Variants in LINGO1 observed in about 807,000 individuals in gnomAD.
The protein encoded by LINGO1 is leucine rich repeat and Ig domain containing 1.
In LINGO1, 11 loss-of-function variants were observed where a neutral mutation model predicts 37.3. That is an observed-to-expected ratio of 0.29 (90% CI 0.19 to 0.49). The LOEUF is 0.49. Ranked by LOEUF, LINGO1 falls within the 20% of genes least tolerant of loss-of-function variation. LINGO1 has a pLI of 0.99. For synonymous variants in LINGO1, 387 were observed against 403.0 expected, an observed-to-expected ratio of 0.96 and a Z score of 0.48; for missense variants, 585 against 878.2, an observed-to-expected ratio of 0.67 and a Z score of 4.22.
At chr15:77,681,811 T>A (rs1596100271) in intron 2 of LINGO1, among the ~76,000 whole-genome samples, 1 of 151,862 alleles carries the variant, frequency 6.6e-6, no homozygotes, top group South Asian at 2.1e-4. Context: ...GACACCCAGG[T>A]GAGGGGTGAG....
upstream of LINGO1, among the ~76,000 whole-genome samples, chr15:77,789,409 C>T (rs565642875): frequency 9.9e-5 from 15 of 152,206 alleles, no homozygotes; most frequent in South Asian, 2.9e-3. Context: ...GAGTTCAAGA[C>T]CAGCCTGGTC....
chr15:77,729,975 T>C (rs1236920671), intron 2 of LINGO1, among the ~76,000 whole-genome samples: 2 of 152,140 alleles, frequency 1.3e-5, no homozygotes, highest in African/African-American at 4.8e-5. Flanking sequence ...AATATAAAAA[T>C]AGTTAATGTG....
chr15:77,763,957 A>G (rs1054927160), intron 1 of LINGO1, among the ~76,000 whole-genome samples: 8 of 152,156 alleles, frequency 5.3e-5, no homozygotes, highest in African/African-American at 1.9e-4. Context: ...CTCTCAGCCC[A>G]GACACCTCGG....
chr15:77,737,838 C>A (rs2076218283), intron 1 of LINGO1, among the ~76,000 whole-genome samples: 1 of 152,086 alleles, frequency 6.6e-6, no homozygotes, highest in African/African-American at 2.4e-5. Context: ...TCCCTCCAAG[C>A]ATCCGAGGCC....
chr15:77,705,203 A>ACACACACACACACACACACACACACACC (rs1311494205), intron 2 of LINGO1, among the ~76,000 whole-genome samples: 80 of 148,748 alleles, frequency 5.4e-4, no homozygotes, highest in Admixed American at 1.5e-3. Flanking sequence ...ACACACACAC[A>ACACACACACACACACACACACACACACC]CACCAGTCCA....
chr15:77,694,193 G>A (rs1364302308), intron 1 of LINGO1, among the ~76,000 whole-genome samples: 1 of 152,130 alleles, frequency 6.6e-6, no homozygotes, highest in African/African-American at 2.4e-5. Flanking sequence ...GAGAGTCAAG[G>A]GAAGGCAAGG....
chr15:77,667,432 G>A (rs1159461370), intron 3 of LINGO1, among the ~76,000 whole-genome samples: 3 of 152,174 alleles, frequency 2.0e-5, no homozygotes, highest in Admixed American at 6.5e-5. Context: ...GAGGGGCCAT[G>A]GAGTGAAGGA....
chr15:77,717,445 G>A lies in LINGO1; in HGVS notation c.-195+17547C>T, dbSNP rs143817293. On this transcript the variant is annotated intron_variant, in intron 2 of 3. Coordinates refer to the LINGO1 transcript ENST00000561686. ...GCCAGTGTGTCTACCAAGGCGAGGG[G>A]GGTGTTCCTGCCCAGAACTGGCACC... Among the ~76,000 whole-genome samples the A allele has an allele frequency of 5.6e-3, 852 of 150,836 alleles. 26 individuals are homozygous for A. Among genetic ancestry groups the A allele is most frequent in the African/African-American group, 0.019 (808 of 41,512 alleles).
intron 1 of LINGO1, among the ~76,000 whole-genome samples, chr15:77,695,019 A>G (rs1392982612): frequency 1.3e-5 from 2 of 152,272 alleles, no homozygotes; most frequent in Middle Eastern, 3.4e-3. Context: ...ATTTTTGACC[A>G]GCAGTTTGCC....
chr15:77,630,384 C>T (rs1171934727), intron 1 of LINGO1, among the ~76,000 whole-genome samples: 1 of 152,172 alleles, frequency 6.6e-6, no homozygotes, highest in Non-Finnish European at 1.5e-5. Flanking sequence ...CCAGGGATCC[C>T]GTCTAGCCTC....
In LINGO1 at chr15:77,704,394, A is replaced by G. The variant is rs1360000277; in HGVS notation, c.-194-13493T>C. Among the ~76,000 whole-genome samples, 297 of 150,324 alleles carry G rather than the reference A, an allele frequency of 2.0e-3. 2 individuals carry two copies. The highest frequency in any genetic ancestry group is 7.1e-3 in the African/African-American group (288 of 40,304). On this transcript the variant is annotated intron_variant, in intron 2 of 3. Transcript: ENST00000561686. The stretch of plus-strand genomic sequence containing the variant: ...GGTCACATACTGAACCCCGACCCTG[A>G]TCACAGATTGAACCCCAACCCTGGC...
At chr15:77,697,445 G>A (rs140659393), upstream of LINGO1, among the ~76,000 whole-genome samples, 1 of 152,258 alleles carries the variant, frequency 6.6e-6, no homozygotes, top group Non-Finnish European at 1.5e-5. Context: ...GAGCCCAGTA[G>A]GACACACAGA....
At chr15:77,757,814 A>C (rs1290508423) in intron 1 of LINGO1, among the ~76,000 whole-genome samples, 1 of 152,230 alleles carries the variant, frequency 6.6e-6, no homozygotes, top group African/African-American at 2.4e-5. Context: ...ACAGGGGCTC[A>C]GTCCCCAGCC....
rs2076942255 is a variant in LINGO1 at position 77,804,342 on chromosome 15, GA to G, written c.-457-8290del. On this transcript the variant is annotated intron_variant, in intron 1 of 5. Coordinates refer to the LINGO1 transcript ENST00000562933. ...CGAAGGCAAGAGAGAGTGCTGAGGG[GA>G]GGGACTAGTGCAAGTCATGTGGCCC... 2.6e-5 allele frequency among the ~76,000 whole-genome samples: 4 copies of G among 152,330 alleles called. No homozygotes were observed. The South Asian group carries it at 8.3e-4, about 32-fold the overall frequency.
At chr15:77,728,197 C>T (rs1292127106) in intron 2 of LINGO1, among the ~76,000 whole-genome samples, 1 of 152,250 alleles carries the variant, frequency 6.6e-6, no homozygotes, top group Non-Finnish European at 1.5e-5. Flanking sequence ...GTGATCGATC[C>T]TGCCCAGGTG....
At chr15:77,714,288 C>T (rs1039103757) in intron 2 of LINGO1, among the ~76,000 whole-genome samples, 70 of 152,024 alleles carry the variant, frequency 4.6e-4, no homozygotes, top group African/African-American at 1.6e-3. Context: ...CCTAGGCCTC[C>T]ATCATGTCTG....
Position 77,632,693 on chromosome 15 carries a change from C to T in LINGO1, c.-378G>A, listed in dbSNP as rs2074298227. Among the ~76,000 whole-genome samples the T allele has an allele frequency of 6.9e-6, 1 of 145,928 alleles. No individual in the cohort carries two copies. The highest frequency in any genetic ancestry group is 2.5e-5 in the African/African-American group (1 of 40,748). On this transcript the variant is annotated 5_prime_UTR_variant, in exon 1 of 2. Transcript: ENST00000355300. The surrounding 1 kb of genome is among the most constrained non-coding windows in gnomAD (Gnocchi z 6.0). Reference sequence around the variant, plus strand: ...GGTCGAGGCCGGGCGCGCTCCGCCGCGGGGCCGGGGCCGGCGGGCAGCGGC... The same window carrying T: ...GGTCGAGGCCGGGCGCGCTCCGCCGTGGGGCCGGGGCCGGCGGGCAGCGGC...
upstream of LINGO1, among the ~76,000 whole-genome samples, chr15:77,634,677 T>C (rs2074359044): frequency 6.7e-6 from 1 of 148,776 alleles, no homozygotes; most frequent in African/African-American, 2.5e-5. Flanking sequence ...AGCACAGGAG[T>C]CCCCCTCCCT....
At chr15:77,725,880 C>A (rs572261408) in intron 2 of LINGO1, among the ~76,000 whole-genome samples, 4 of 152,316 alleles carry the variant, frequency 2.6e-5, no homozygotes, top group South Asian at 2.1e-4. Flanking sequence ...GCCCAGGGAG[C>A]GTACATAGAG....
Sources: allele counts gnomAD v4.1 joint callset (sites outside exome capture counted in the v4.1 genomes callset), GRCh38; gene constraint gnomAD v4.1.1; non-coding constraint Gnocchi (gnomAD v3.1); transcripts MANE v1.5; gene names NCBI Gene and HGNC (gene_info 2026-07-23, HGNC 2026-07-21).